RARB: variants seen among roughly 807,000 people sequenced by gnomAD.
RARB encodes retinoic acid receptor beta, also known as HBV-activated protein.
A neutral mutation model predicts 51.9 loss-of-function variants in RARB; 17 were observed. The observed-to-expected ratio is 0.33, with a 90% CI of 0.22 to 0.49. RARB has a LOEUF of 0.49. Among genes scored for constraint, RARB ranks in the 20% least tolerant of loss-of-function variants. The pLI is 0.99. For synonymous variants in RARB, 215 were observed against 195.4 expected (o/e 1.10, Z -0.84); for missense variants, 369 against 550.8 (o/e 0.67, Z 3.30).
At chr3:24,930,118 C>CA (rs1473424667) in intron 2 of RARB, among the ~76,000 whole-genome samples, 8 of 151,810 alleles carry the variant, frequency 5.3e-5, no homozygotes, top group African/African-American at 1.9e-4. Context: ...GTCATACTGC[C>CA]AAAAAACATT....
At chr3:25,484,506 G>C (rs1030804733) in intron 2 of RARB, among the ~76,000 whole-genome samples, 1 of 151,830 alleles carries the variant, frequency 6.6e-6, no homozygotes, top group East Asian at 1.9e-4. Context: ...TGGCCCATAG[G>C]CTAAACCGGG....
chr3:25,460,240 T>C (rs1419940175), intron 1 of RARB, among the ~76,000 whole-genome samples: 4 of 152,134 alleles, frequency 2.6e-5, no homozygotes. Flanking sequence ...ACTATTTTTC[T>C]AATAAGATCT....
intron 5 of RARB, among the ~76,000 whole-genome samples, chr3:25,382,951 T>G (rs1350615347): frequency 2.0e-5 from 3 of 152,114 alleles, no homozygotes; most frequent in African/African-American, 4.8e-5. Flanking sequence ...GTCATAACTT[T>G]CCCTCATAGG....
intron 2 of RARB, among the ~76,000 whole-genome samples, chr3:25,003,559 C>A (rs1053672850): frequency 6.6e-6 from 1 of 152,112 alleles, no homozygotes; most frequent in East Asian, 1.9e-4. Flanking sequence ...GGTACAACTA[C>A]TGGCCTTACT....
chr3:25,030,786 C>T (rs1395596017), intron 2 of RARB, among the ~76,000 whole-genome samples: 3 of 152,160 alleles, frequency 2.0e-5, no homozygotes, highest in African/African-American at 7.2e-5. Flanking sequence ...ACCAAATGTG[C>T]CTGTCTGGTT....
intron 3 of RARB, among the ~76,000 whole-genome samples, chr3:25,551,097 A>G (rs867694673): frequency 3.9e-5 from 6 of 152,128 alleles, no homozygotes; most frequent in Non-Finnish European, 8.8e-5. Flanking sequence ...ATCATCTTTG[A>G]AGGCTTGAAG....
rs372967516 is a variant in RARB at position 24,949,895 on chromosome 3, G to A, written c.-380+91143G>A. ...TTAAAAAAAAATACTAGCCTACATT[G>A]GCACTGGTAAGGAAACTGACACCGG... On this transcript the variant is annotated intron_variant, in intron 2 of 11. Transcript: ENST00000383772. Among the ~76,000 whole-genome samples, 4 of 152,242 alleles carry A rather than the reference G, an allele frequency of 2.6e-5. No individual in the cohort carries two copies. The East Asian group carries it at 7.7e-4, about 29-fold the overall frequency.
At chr3:25,057,317 G>C (rs1290209443) in intron 2 of RARB, among the ~76,000 whole-genome samples, 1 of 151,964 alleles carries the variant, frequency 6.6e-6, no homozygotes, top group Non-Finnish European at 1.5e-5. Context: ...CCATCATTAA[G>C]GGACTTGTGA....
At chr3:24,984,694 T>C (rs937279700) in intron 2 of RARB, among the ~76,000 whole-genome samples, 12 of 152,190 alleles carry the variant, frequency 7.9e-5, no homozygotes, top group African/African-American at 2.9e-4. Flanking sequence ...GTGACTATAG[T>C]TAATAATACT....
chr3:25,271,592 G>A (rs1703258840), intron 5 of RARB, among the ~76,000 whole-genome samples: 1 of 152,196 alleles, frequency 6.6e-6, no homozygotes, highest in Admixed American at 6.5e-5. Context: ...TGAAATGGTA[G>A]TTCCGTCTTT....
At chr3:25,146,490 A>G (rs1575181471) in intron 4 of RARB, among the ~76,000 whole-genome samples, 1 of 143,970 alleles carries the variant, frequency 6.9e-6, no homozygotes, top group African/African-American at 2.5e-5. Flanking sequence ...ATAATTTGCT[A>G]AGTTTTTTGT....
intron 5 of RARB, among the ~76,000 whole-genome samples, chr3:25,591,813 A>G (rs78506479): frequency 0.018 from 2,737 of 152,322 alleles, 37 homozygotes; most frequent in Middle Eastern, 0.044. Context: ...CTCACTCTAT[A>G]GGATGTCCTG....
intron 2 of RARB, chr3:25,462,230 C>T (rs1437334045): frequency 1.3e-5 from 2 of 152,214 alleles, no homozygotes; most frequent in Non-Finnish European, 2.9e-5. Context: ...TAGTATATGG[C>T]TGCTTTGAAT....
At chr3:25,035,384 A>G (rs1211038627) in intron 2 of RARB, among the ~76,000 whole-genome samples, 1 of 147,468 alleles carries the variant, frequency 6.8e-6, no homozygotes, top group Non-Finnish European at 1.5e-5. Context: ...AGTCTCCCAA[A>G]GTGCTGGAAT....
chr3:25,024,348 A>G (rs1297576353), intron 2 of RARB, among the ~76,000 whole-genome samples: 1 of 152,174 alleles, frequency 6.6e-6, no homozygotes, highest in Non-Finnish European at 1.5e-5. Context: ...CTTAGAAACT[A>G]TTTCTGAGTG....
At chr3:24,865,618 T>C (rs1237364953) in intron 2 of RARB, among the ~76,000 whole-genome samples, 2 of 152,190 alleles carry the variant, frequency 1.3e-5, no homozygotes, top group Non-Finnish European at 2.9e-5. Flanking sequence ...GTGATTTTCT[T>C]ATATTTATTA....
At chr3:25,132,952 C>T (rs35550696) in intron 4 of RARB, among the ~76,000 whole-genome samples, 86,600 of 151,032 alleles carry the variant, frequency 0.57, 25,048 homozygotes, top group East Asian at 0.7. Context: ...GCTATCTATG[C>T]CATGGTATTT....
intron 5 of RARB, among the ~76,000 whole-genome samples, chr3:25,209,373 A>G (rs1287701790): frequency 6.6e-6 from 1 of 152,210 alleles, no homozygotes; most frequent in Non-Finnish European, 1.5e-5. Context: ...TGAAGACACT[A>G]CAGAGTTTAT....
At chr3:25,157,854 T>A (rs963030994) in intron 4 of RARB, among the ~76,000 whole-genome samples, 1 of 152,246 alleles carries the variant, frequency 6.6e-6, no homozygotes, top group Non-Finnish European at 1.5e-5. Context: ...TGAATAAGAC[T>A]CACCTCTTTA....
Sources: allele counts gnomAD v4.1 joint callset (sites outside exome capture counted in the v4.1 genomes callset), GRCh38; gene constraint gnomAD v4.1.1; transcripts MANE v1.5; gene names NCBI Gene and HGNC (gene_info 2026-07-23, HGNC 2026-07-21).